HERC2: variants seen among roughly 807,000 people sequenced by gnomAD.
The protein encoded by HERC2 is HECT and RLD domain containing E3 ubiquitin protein ligase 2.
HERC2 carries 102 observed loss-of-function variants against 537.7 expected under a neutral mutation model. The ratio of observed to expected loss-of-function variants is 0.19; its 90% CI spans 0.16 to 0.22. HERC2 has a LOEUF of 0.22. Ranked by LOEUF, HERC2 falls within the 10% of genes least tolerant of loss-of-function variation. The pLI, the probability that HERC2 is intolerant of heterozygous loss-of-function variation, is 1.00. For missense variants in HERC2, 4,236 were observed against 6,198.2 expected (o/e 0.68, Z 10.63); for synonymous variants, 2,224 against 2,466.2 (o/e 0.90, Z 2.91).
At position 28,254,386 on chromosome 15, in the gene HERC2, C is replaced by T. The variant is rs1156385083; in HGVS notation, c.3004G>A (p.Gly1002Ser). The T allele has an allele frequency of 6.2e-7, 1 of 1,608,340 alleles. No individual in the cohort carries two copies. Among genetic ancestry groups the T allele is most frequent in the Non-Finnish European group, 8.5e-7 (1 of 1,177,886 alleles). Residue 1002 changes from glycine to serine, a missense_variant, in exon 20 of 93, where the codon GGC becomes AGC. Gly to Ser is a moderately conservative substitution (Grantham distance 56). Coordinates refer to ENST00000261609, the MANE Select transcript of HERC2 (RefSeq NM_004667.6). ...LINTGICESS[G>S]KQCLPLVQLI... ...TGAACCAGAGGCAAACACTGTTTGCCAGAAGACTCACAGATCCCCGTATTA... is the reference window on the plus strand; with the variant it reads ...TGAACCAGAGGCAAACACTGTTTGCTAGAAGACTCACAGATCCCCGTATTA...
chr15:28,149,712 C>T (rs865834102), intron 70 of HERC2, among the ~76,000 whole-genome samples: 5 of 151,864 alleles, frequency 3.3e-5, no homozygotes, highest in East Asian at 1.9e-4. Context: ...GCCACATGAA[C>T]GCACGTTCTA....
intron 2 of HERC2, among the ~76,000 whole-genome samples, chr15:28,301,751 A>G (rs1489939868): frequency 0.013 from 1,358 of 102,532 alleles, 42 homozygotes; most frequent in African/African-American, 0.048. Flanking sequence ...ATATATATAT[A>G]TATATATATA....
chr15:28,305,378 C>T (rs9745265), intron 2 of HERC2, among the ~76,000 whole-genome samples: 49 of 150,908 alleles, frequency 3.2e-4, no homozygotes, highest in Non-Finnish European at 6.4e-4. Flanking sequence ...ACGCCGCATA[C>T]CTACAACTAT....
Position 28,256,284 on chromosome 15 carries a change from C to G in HERC2, c.2551G>C (p.Glu851Gln). Reference protein sequence around the residue: ...HAAISHQVDPEFLGLGLGSIL... With the variant: ...HAAISHQVDPQFLGLGLGSIL... ...CTGCCCAGACCTAAACCAAGGAATT[C>G]CGGGTCAACCTGGTGACTAATGGCA... Residue 851 changes from glutamate to glutamine, a missense_variant, in exon 18 of 93, where the codon GAA becomes CAA. Glu to Gln is a conservative substitution (Grantham distance 29). This residue lies in a region of HERC2 where 754 missense variants were observed against 1,085.0 expected (regional missense o/e 0.69). Coordinates refer to ENST00000261609, the MANE Select transcript of HERC2 (RefSeq NM_004667.6). The G allele has an allele frequency of 1.3e-6, 2 of 1,596,598 alleles. No homozygotes were observed. The highest frequency in any genetic ancestry group is 1.7e-6 in the Non-Finnish European group (2 of 1,179,422).
At chr15:28,124,959 G>A (rs970765340) in intron 84 of HERC2, 47 bp downstream of exon 84, 1 of 1,539,962 alleles carries the variant, frequency 6.5e-7, no homozygotes, top group Non-Finnish European at 8.9e-7. Flanking sequence ...CATGTGACAG[G>A]AGCACACTTT....
rs530840248 is a variant in HERC2, at chr15:28,172,159, C to T, written c.10057+2236G>A. ...AACACCTAAAAAATAAAGAGAAACA[C>T]TATGTTCATGGGTTAGAAGACTGAA... On this transcript the variant is annotated intron_variant, in intron 65 of 92. Transcript: ENST00000261609. Among the ~76,000 whole-genome samples the T allele has an allele frequency of 2.6e-5, 4 of 151,710 alleles. No individual in the cohort carries two copies. The South Asian group carries it at 8.3e-4, about 32-fold the overall frequency.
intron 78 of HERC2, among the ~76,000 whole-genome samples, chr15:28,140,307 C>T (rs533111188): frequency 6.6e-6 from 1 of 152,140 alleles, no homozygotes; most frequent in South Asian, 2.1e-4. Flanking sequence ...ACACCGCAAC[C>T]CCAGCCTGCA....
intron 78 of HERC2, among the ~76,000 whole-genome samples, chr15:28,139,541 C>T (rs527615381): frequency 2.0e-5 from 3 of 152,184 alleles, no homozygotes; most frequent in Non-Finnish European, 4.4e-5. Flanking sequence ...CGGAGCTATG[C>T]TGCATCCAGA....
intron 23 of HERC2, among the ~76,000 whole-genome samples, chr15:28,245,546 C>CAA (rs552182472): frequency 2.8e-5 from 3 of 106,998 alleles, no homozygotes; most frequent in African/African-American, 6.6e-5. Context: ...GATGTAGTGT[C>CAA]AAAAAAAAAA....
intron 21 of HERC2, 76 bp from the exon 22 acceptor site, chr15:28,246,973 G>T: frequency 7.9e-7 from 1 of 1,264,138 alleles, no homozygotes; most frequent in Non-Finnish European, 1.1e-6. Context: ...GCTCCATGAT[G>T]CTATTCTCAT....
rs530267476 is a variant in HERC2, at chr15:28,274,833, T to G, written c.643+72A>C. Reference sequence around the variant, plus strand: ...GATCAGCCAAAGGGCACATGGTGGCTGAACCGAGTTCGAAACCCAGTCTGT... The same window carrying G: ...GATCAGCCAAAGGGCACATGGTGGCGGAACCGAGTTCGAAACCCAGTCTGT... On this transcript the variant is annotated intron_variant, in intron 6 of 92. Transcript: ENST00000261609. 197 of 1,204,456 alleles carry G rather than the reference T, an allele frequency of 1.6e-4. 1 individual carries two copies. The South Asian group carries it at 2.3e-3, about 14-fold the overall frequency. 74.6% of individuals were successfully genotyped at this position (1,204,456 alleles called of 1,614,324 possible). A position where few individuals can be genotyped will look rare whatever the true frequency, so the allele number is the denominator to read the frequency against.
chr15:28,186,559 G>C lies in HERC2; in HGVS notation c.8825+18C>G, dbSNP rs1471437156. The C allele has an allele frequency of 6.2e-6, 10 of 1,606,006 alleles. No individual in the cohort carries two copies. The Admixed American group carries it at 8.4e-5, about 13-fold the overall frequency. ...TGTAGCGGGAGGTAAGTGAGCACCT[G>C]TAACAAATGGTTCTCACCTTCCGCT... On this transcript the variant is annotated intron_variant, in intron 56 of 92. Transcript: ENST00000261609.
intron 20 of HERC2, among the ~76,000 whole-genome samples, chr15:28,253,139 T>G (rs1470635049): frequency 2.6e-5 from 4 of 151,936 alleles, no homozygotes; most frequent in African/African-American, 7.3e-5. Flanking sequence ...ACAAATCACC[T>G]TGCTTTTTCG....
intron 83 of HERC2, among the ~76,000 whole-genome samples, chr15:28,128,584 A>T (rs183953183): frequency 1.3e-3 from 198 of 152,354 alleles, no homozygotes; most frequent in Admixed American, 2.9e-3. Context: ...TAAAGGGTGC[A>T]TGCTTATATA....
intron 26 of HERC2, among the ~76,000 whole-genome samples, chr15:28,234,874 T>C (rs1292790663): frequency 1.3e-5 from 2 of 150,608 alleles, no homozygotes. Context: ...AGGCTATGTA[T>C]TCCTAGAGCA....
chr15:28,113,276 C>G lies in HERC2; in HGVS notation c.14027G>C (p.Gly4676Ala). 6.2e-7 allele frequency: 1 copy of G among 1,614,052 alleles called. No individual in the cohort carries two copies. Among genetic ancestry groups the G allele is most frequent in the Non-Finnish European group, 8.5e-7 (1 of 1,180,006 alleles). The change falls in exon 92 of 93, where the codon GGC becomes GCC. Residue 4676 changes from glycine to alanine, a missense_variant. Gly to Ala is a moderately conservative substitution (Grantham distance 60). Coordinates refer to ENST00000261609, the MANE Select transcript of HERC2 (RefSeq NM_004667.6). The surrounding 1 kb of genome is among the most constrained non-coding windows in gnomAD (Gnocchi z 7.0). The stretch of plus-strand genomic sequence containing the variant: ...AAGGTGCAGCGGGATGTCAGGGCTG[C>G]CACACACCTGCGGGAGGATGTCTGT... Reference protein sequence around the residue: ...TGYELETMVCGSPDIPLHLLK... With the variant: ...TGYELETMVCASPDIPLHLLK...
At chr15:28,139,211 T>A (rs1424833908) in intron 78 of HERC2, among the ~76,000 whole-genome samples, 1 of 152,232 alleles carries the variant, frequency 6.6e-6, no homozygotes, top group Non-Finnish European at 1.5e-5. Flanking sequence ...CTGGACTTAA[T>A]GACCTGCTTC....
At position 28,268,853 on chromosome 15, in the gene HERC2, T is replaced by C. The variant is rs536075056; in HGVS notation, c.1447-237A>G. Among the ~76,000 whole-genome samples, 13 of 152,264 alleles carry C rather than the reference T, an allele frequency of 8.5e-5. No homozygotes were observed. In the East Asian group the frequency reaches 2.3e-3, roughly 27 times the overall value. On this transcript the variant is annotated intron_variant, in intron 11 of 92. Coordinates refer to ENST00000261609, the MANE Select transcript of HERC2 (RefSeq NM_004667.6). The surrounding 1 kb of genome is among the most constrained non-coding windows in gnomAD (Gnocchi z 4.7). ...GAGCCGATGCAGGGGCAGGGCAGGC[T>C]AGCCCCATGCCACAGAGACACGCAG...
At chr15:28,296,019 GAAAAT>G (rs1016838206) in intron 3 of HERC2, among the ~76,000 whole-genome samples, 13 of 151,908 alleles carry the variant, frequency 8.6e-5, no homozygotes, top group Admixed American at 2.0e-4. Flanking sequence ...CCCTGTCTCA[GAAAAT>G]AAAATAAAAT....
Sources: allele counts gnomAD v4.1 joint callset (sites outside exome capture counted in the v4.1 genomes callset), GRCh38; gene constraint gnomAD v4.1.1; regional missense constraint gnomAD v4.1.1; non-coding constraint Gnocchi (gnomAD v3.1); transcripts MANE v1.5; gene names NCBI Gene and HGNC (gene_info 2026-07-23, HGNC 2026-07-21).